The following SHLD1 variants were observed in gnomAD, a reference collection of about 807,000 sequenced individuals.
The protein encoded by SHLD1 is RINN1-REV7-interacting novel NHEJ regulator 3.
Under a neutral mutation model 5.5 loss-of-function variants are expected in SHLD1, and 3 were observed. That is an observed-to-expected ratio of 0.54 (90% CI 0.25 to 1.40). The LOEUF is 1.40. Ranked by LOEUF, SHLD1 falls within the 40% of genes most tolerant of loss-of-function variation. SHLD1 has a pLI of 0.15. For missense variants in SHLD1, 210 were observed against 244.4 expected (o/e 0.86, Z 0.94); for synonymous variants, 92 against 94.3 (o/e 0.98, Z 0.14).
chr20:5,845,700 A>G (rs574066782), intron 2 of SHLD1, among the ~76,000 whole-genome samples: 14 of 152,250 alleles, frequency 9.2e-5, no homozygotes, highest in Admixed American at 8.5e-4. Flanking sequence ...CTGCTTGATC[A>G]CCTACATTAT....
rs777774280 is a variant in SHLD1, at chr20:5,791,334, G to C, written c.178+18291G>C. 2.8e-4 allele frequency among the ~76,000 whole-genome samples: 43 copies of C among 152,184 alleles called. 1 individual carries two copies. Among genetic ancestry groups the C allele is most frequent in the Non-Finnish European group, 5.0e-4 (34 of 68,012 alleles). ...AATCCTAGCACTCTGGGAGGCTGAGGCAGTAGATGGCTTGAGCCCAGGAGT... is the reference window on the plus strand; with the variant it reads ...AATCCTAGCACTCTGGGAGGCTGAGCCAGTAGATGGCTTGAGCCCAGGAGT... On this transcript the variant is annotated intron_variant, in intron 2 of 2. Coordinates refer to ENST00000303142, the MANE Select transcript of SHLD1 (RefSeq NM_152504.4).
At chr20:5,773,284 A>T in intron 2 of SHLD1, 1 of 642,012 alleles carries the variant, frequency 1.6e-6, no homozygotes, top group Non-Finnish European at 2.8e-6. Flanking sequence ...TGTTAATCTC[A>T]GGTCTCTTTC....
intron 2 of SHLD1, among the ~76,000 whole-genome samples, chr20:5,843,230 A>G (rs1457287633): frequency 6.6e-6 from 1 of 152,174 alleles, no homozygotes; most frequent in Non-Finnish European, 1.5e-5. Context: ...TTTTTAGACC[A>G]CAAAAATAGT....
At position 5,806,951 on chromosome 20, in the gene SHLD1, G is replaced by A. The variant is rs2087386067; in HGVS notation, c.178+33908G>A. Reference sequence around the variant, plus strand: ...GTGAGTGGTCGTGTAACCTGTACCTGCAATCTTGGCCTTGAATTCTCATTT... The same window carrying A: ...GTGAGTGGTCGTGTAACCTGTACCTACAATCTTGGCCTTGAATTCTCATTT... On this transcript the variant is annotated intron_variant, in intron 2 of 2. Coordinates refer to ENST00000303142, the MANE Select transcript of SHLD1 (RefSeq NM_152504.4). This position sits in a 1 kb window ranked among gnomAD's most constrained non-coding sequence, Gnocchi z 7.6. Among the ~76,000 whole-genome samples the A allele has an allele frequency of 6.6e-6, 1 of 152,228 alleles. No homozygotes were observed. Among genetic ancestry groups the A allele is most frequent in the African/African-American group, 2.4e-5 (1 of 41,468 alleles).
At chr20:5,798,328 G>A (rs1389049093) in intron 2 of SHLD1, among the ~76,000 whole-genome samples, 1 of 150,342 alleles carries the variant, frequency 6.7e-6, no homozygotes, top group East Asian at 1.9e-4. Flanking sequence ...TTTTTGAGAC[G>A]AAGTCTTTCT....
At chr20:5,834,970 C>G (rs2087773066) in intron 2 of SHLD1, among the ~76,000 whole-genome samples, 1 of 152,128 alleles carries the variant, frequency 6.6e-6, no homozygotes, top group Non-Finnish European at 1.5e-5. Context: ...CCCAATGGCC[C>G]TATGTCTTAA....
chr20:5,780,557 G>A (rs965204630), intron 2 of SHLD1, among the ~76,000 whole-genome samples: 1 of 152,116 alleles, frequency 6.6e-6, no homozygotes, highest in African/African-American at 2.4e-5. Context: ...CCAAGGAAGG[G>A]TGACCTTAGA....
intron 2 of SHLD1, among the ~76,000 whole-genome samples, chr20:5,795,274 C>A (rs1016343822): frequency 5.3e-5 from 8 of 151,240 alleles, no homozygotes; most frequent in Admixed American, 2.0e-4. Flanking sequence ...AAAAAACACA[C>A]ACACACACGC....
chr20:5,812,099 T>A (rs935627404), intron 2 of SHLD1, among the ~76,000 whole-genome samples: 5 of 151,420 alleles, frequency 3.3e-5, no homozygotes, highest in African/African-American at 1.2e-4. Flanking sequence ...TCTTTTTTTT[T>A]TTGAGGACCC....
At chr20:5,764,213 G>GTTTATATATATATATATA (rs1984692087) in intron 1 of SHLD1, among the ~76,000 whole-genome samples, 1 of 105,008 alleles carries the variant, frequency 9.5e-6, no homozygotes, top group African/African-American at 3.7e-5. Flanking sequence ...ATATATTTGT[G>GTTTATATATATATATATA]TGTGTGTATA....
At chr20:5,787,243 G>A (rs1366259825) in intron 2 of SHLD1, among the ~76,000 whole-genome samples, 1 of 152,202 alleles carries the variant, frequency 6.6e-6, no homozygotes, top group Non-Finnish European at 1.5e-5. Flanking sequence ...AACTTCTTAT[G>A]TGAAAACCCA....
rs59026745 is a variant in SHLD1 at position 5,778,604 on chromosome 20, CAA to C, written c.178+5577_178+5578del. 1.8e-3 allele frequency among the ~76,000 whole-genome samples: 173 copies of C among 96,712 alleles called. 1 individual carries two copies. The highest frequency in any genetic ancestry group is 5.3e-3 in the African/African-American group (158 of 29,748). 63.4% of individuals were successfully genotyped at this position (96,712 alleles called of 152,430 possible). A position where few individuals can be genotyped will look rare whatever the true frequency, so the allele number is the denominator to read the frequency against. On this transcript the variant is annotated intron_variant, in intron 2 of 2. Transcript: ENST00000303142. The stretch of plus-strand genomic sequence containing the variant: ...CCTGGGCGACAGAGCAAGACCTTGT[CAA>C]AAAAAAAAAAAAAAATAAGGACCAG...
chr20:5,772,761 A>AAAAAT lies in SHLD1; in HGVS notation c.-4-96_-4-92dup, dbSNP rs140104386. 2,369 of 1,178,854 alleles carry AAAAAT rather than the reference A, an allele frequency of 2.0e-3. 35 individuals carry two copies. In the African/African-American group the frequency reaches 0.031, roughly 15 times the overall value. The allele number at this position is 1,178,854 out of a possible 1,614,324, so 73.0% of individuals were successfully genotyped here. ...ACCTGATCTCTACAAAAATAAAAAT[A>AAAAAT]AAAATAAAAAACAAATAAAATTCTT... On this transcript the variant is annotated intron_variant, in intron 1 of 2. Coordinates refer to ENST00000303142, the MANE Select transcript of SHLD1 (RefSeq NM_152504.4).
rs780446291 is a variant in SHLD1, at chr20:5,863,415, G to A, written c.570G>A (p.Lys190=). The change falls in exon 3 of 3, where the codon AAG becomes AAA. Residue 190 remains lysine, a synonymous_variant. Coordinates refer to ENST00000303142, the MANE Select transcript of SHLD1 (RefSeq NM_152504.4). ...AAAAGCCAAACCCAGGACTGTCAAA[G>A]GATATTACTCATTTCCTCTTGCAGC... ...DDEKPNPGLS[K]DITHFLLQQN... 7.4e-6 allele frequency: 12 copies of A among 1,612,554 alleles called. No individual in the cohort carries two copies. Among genetic ancestry groups the A allele is most frequent in the African/African-American group, 1.3e-5 (1 of 74,870 alleles).
chr20:5,750,845 A>T (rs1038011642), intron 1 of SHLD1, among the ~76,000 whole-genome samples: 70 of 152,198 alleles, frequency 4.6e-4, no homozygotes, highest in African/African-American at 1.5e-3. Flanking sequence ...CGTAAAAAAA[A>T]ATCAAGCCTA....
chr20:5,853,842 C>CTTTTTTTT (rs753008247), intron 2 of SHLD1, among the ~76,000 whole-genome samples: 2 of 141,956 alleles, frequency 1.4e-5, no homozygotes, highest in African/African-American at 2.6e-5. Flanking sequence ...TCCACGTCTA[C>CTTTTTTTT]TTTTTTTTTT....
At chr20:5,811,473 A>G (rs1246892036) in intron 2 of SHLD1, among the ~76,000 whole-genome samples, 4 of 152,186 alleles carry the variant, frequency 2.6e-5, no homozygotes, top group African/African-American at 9.7e-5. Flanking sequence ...AGTTCTCTAA[A>G]TAATGTATTT....
chr20:5,835,677 C>A (rs187680639), intron 2 of SHLD1, among the ~76,000 whole-genome samples: 57 of 152,316 alleles, frequency 3.7e-4, no homozygotes, highest in Non-Finnish European at 8.8e-5. Flanking sequence ...CCTTTAAAGT[C>A]AACTCTGAGT....
chr20:5,854,872 C>CTTTTTTTTTTTTT (rs55776293), intron 2 of SHLD1, among the ~76,000 whole-genome samples: 21,928 of 127,446 alleles, frequency 0.17, 2,523 homozygotes, highest in East Asian at 0.26. Flanking sequence ...CTCTATGACT[C>CTTTTTTTTTTTTT]TTTTTTTTTT....
Sources: allele counts gnomAD v4.1 joint callset (sites outside exome capture counted in the v4.1 genomes callset), GRCh38; gene constraint gnomAD v4.1.1; non-coding constraint Gnocchi (gnomAD v3.1); transcripts MANE v1.5; gene names NCBI Gene and HGNC (gene_info 2026-07-23, HGNC 2026-07-21).